The following SV2C variants were observed in gnomAD, a reference collection of about 807,000 sequenced individuals.
SV2C encodes solute carrier family 22 member B3.
Under a neutral mutation model 79.7 loss-of-function variants are expected in SV2C, and 49 were observed. That is an observed-to-expected ratio of 0.61 (90% confidence interval 0.49 to 0.78). The LOEUF (loss-of-function observed/expected upper bound fraction) is 0.78. Ranked by LOEUF, SV2C falls within the 30% of genes least tolerant of loss-of-function variation. The pLI, the probability that SV2C is intolerant of heterozygous loss-of-function variation, is 0.00. For synonymous variants in SV2C, 334 were observed against 333.2 expected (o/e 1.00, Z -0.03); for missense variants, 833 against 912.9 (o/e 0.91, Z 1.13).
the SV2C span, among the ~76,000 whole-genome samples, chr5:76,060,198 A>G: frequency 1.3e-5 from 2 of 152,118 alleles, no homozygotes; most frequent in African/African-American, 4.8e-5. Context: ...CATTGGCTTC[A>G]GCTTAAATTC....
intron 4 of SV2C, among the ~76,000 whole-genome samples, chr5:76,220,707 A>T (rs10462535): frequency 0.28 from 42,794 of 151,818 alleles, 6,776 homozygotes; most frequent in Middle Eastern, 0.39. Flanking sequence ...GTTTTATATC[A>T]CATGAAAGCA....
At chr5:76,237,581 T>C (rs1312074817) in intron 4 of SV2C, among the ~76,000 whole-genome samples, 1 of 152,210 alleles carries the variant, frequency 6.6e-6, no homozygotes, top group Non-Finnish European at 1.5e-5. Flanking sequence ...AGTATAATCT[T>C]TGGCAATTTC....
chr5:75,957,990 A>C, the SV2C span, among the ~76,000 whole-genome samples: 5 of 152,014 alleles, frequency 3.3e-5, no homozygotes, highest in African/African-American at 1.2e-4. Context: ...ACCAGTTTTC[A>C]GTGGGTGCCC....
the SV2C span, among the ~76,000 whole-genome samples, chr5:75,974,560 G>C: frequency 6.6e-6 from 1 of 152,080 alleles, no homozygotes; most frequent in South Asian, 2.1e-4. Flanking sequence ...CACTCTGTTT[G>C]GAATCCTTTT....
upstream of SV2C, among the ~76,000 whole-genome samples, chr5:76,078,416 A>G (rs145211737): frequency 2.1e-3 from 320 of 152,312 alleles, 1 homozygote; most frequent in African/African-American, 7.4e-3. Context: ...TGAGAAAGGG[A>G]CAGAATACTG....
chr5:76,223,187 A>G (rs12515016), intron 4 of SV2C, among the ~76,000 whole-genome samples: 5,326 of 152,020 alleles, frequency 0.035, 220 homozygotes, highest in Admixed American at 0.12. Flanking sequence ...TTGTTGTTTT[A>G]AAAATTATCT....
At chr5:76,291,697 G>T in intron 7 of SV2C, 71 bp from the exon 8 acceptor site, 2 of 1,006,222 alleles carry the variant, frequency 2.0e-6, no homozygotes, top group Non-Finnish European at 3.0e-6. Flanking sequence ...TTTATAATTT[G>T]GTGGAAGGGG....
the SV2C span, among the ~76,000 whole-genome samples, chr5:75,951,530 G>A: frequency 2.6e-5 from 4 of 151,972 alleles, no homozygotes; most frequent in Non-Finnish European, 5.9e-5. Flanking sequence ...TGTCTCCCAT[G>A]CCAAGGAACT....
intron 4 of SV2C, among the ~76,000 whole-genome samples, chr5:76,237,869 A>G (rs1421868230): frequency 6.6e-6 from 1 of 151,956 alleles, no homozygotes; most frequent in African/African-American, 2.4e-5. Flanking sequence ...CTGTGGTATC[A>G]TGATCATAAT....
Position 76,320,248 on chromosome 5 carries a change from T to A in SV2C, c.2001-5116T>A, listed in dbSNP as rs575640756. Among the ~76,000 whole-genome samples the A allele has an allele frequency of 2.5e-3, 373 of 151,146 alleles. 3 individuals are homozygous for A. The highest frequency in any genetic ancestry group is 8.6e-3 in the African/African-American group (353 of 41,084). On this transcript the variant is annotated intron_variant, in intron 12 of 12. Coordinates refer to ENST00000502798, the MANE Select transcript of SV2C (RefSeq NM_014979.4). ...TGTGACATCCTGGAAAAGGCAGAAC[T>A]ATGGAAACAGTAAAAAGATTGGTGA...
chr5:76,146,343 G>A (rs777921077), intron 2 of SV2C, among the ~76,000 whole-genome samples: 30 of 152,294 alleles, frequency 2.0e-4, no homozygotes, highest in African/African-American at 4.6e-4. Flanking sequence ...GACCAGCCCC[G>A]AGGGCTGCTG....
chr5:76,047,248 T>G, the SV2C span, among the ~76,000 whole-genome samples: 1 of 152,312 alleles, frequency 6.6e-6, no homozygotes, highest in Non-Finnish European at 1.5e-5. Context: ...CTTCTTCCTC[T>G]TCCAGTCACT....
intron 2 of SV2C, among the ~76,000 whole-genome samples, chr5:76,180,635 C>T (rs1255869887): frequency 6.6e-6 from 1 of 152,220 alleles, no homozygotes; most frequent in Non-Finnish European, 1.5e-5. Flanking sequence ...CTCCTCCTCT[C>T]ACTGCCCCCT....
the SV2C span, among the ~76,000 whole-genome samples, chr5:76,015,763 C>T: frequency 9.9e-5 from 15 of 152,046 alleles, no homozygotes; most frequent in African/African-American, 1.9e-4. Context: ...ATTTACCCTG[C>T]GGCAAAATCA....
upstream of SV2C, chr5:76,079,778 T>G (rs1441328803): frequency 1.7e-5 from 4 of 230,038 alleles, no homozygotes; most frequent in East Asian, 1.1e-4. Flanking sequence ...AAGATGAATA[T>G]CCCTTAATCA....
chr5:76,313,392 T>G (rs2112547982), intron 12 of SV2C, among the ~76,000 whole-genome samples: 1 of 152,230 alleles, frequency 6.6e-6, no homozygotes, highest in African/African-American at 2.4e-5. Flanking sequence ...CCAGCAAAAG[T>G]CAGATTCATT....
chr5:76,272,004 C>T (rs929093962), intron 4 of SV2C, among the ~76,000 whole-genome samples: 4 of 152,104 alleles, frequency 2.6e-5, no homozygotes, highest in Non-Finnish European at 4.4e-5. Flanking sequence ...AATGACAAAA[C>T]TCTAAGGGTC....
chr5:76,341,064 G>A (rs1009302243), intron 12 of SV2C, among the ~76,000 whole-genome samples: 7 of 151,644 alleles, frequency 4.6e-5, no homozygotes, highest in Admixed American at 1.3e-4. Flanking sequence ...CCGAGTAGCT[G>A]GGATTTCAAG....
intron 2 of SV2C, among the ~76,000 whole-genome samples, chr5:76,149,097 C>T (rs1308009772): frequency 6.6e-6 from 1 of 152,108 alleles, no homozygotes; most frequent in Non-Finnish European, 1.5e-5. Flanking sequence ...TTGATGACCA[C>T]AGGAGGGAGG....
Sources: allele counts gnomAD v4.1 joint callset (sites outside exome capture counted in the v4.1 genomes callset), GRCh38; gene constraint gnomAD v4.1.1; transcripts MANE v1.5; gene names NCBI Gene and HGNC (gene_info 2026-07-23, HGNC 2026-07-21).